TBC1D17: variants seen among roughly 807,000 people sequenced by gnomAD.
The protein encoded by TBC1D17 is TBC1 domain family member 17.
Under a neutral mutation model 78.8 loss-of-function variants are expected in TBC1D17, and 69 were observed. That is an observed-to-expected ratio of 0.88 (90% CI 0.72 to 1.07). The LOEUF is 1.07. TBC1D17 is among the 50% of genes least tolerant of loss of function. The pLI, the probability that TBC1D17 is intolerant of heterozygous loss-of-function variation, is 0.00. For synonymous variants in TBC1D17, 456 were observed against 358.3 expected (o/e 1.27, Z -3.08); for missense variants, 957 against 861.0 (o/e 1.11, Z -1.39).
intron 1 of TBC1D17, 58 bp from the exon 2 acceptor site, chr19:49,878,085 C>A: frequency 7.1e-7 from 1 of 1,415,686 alleles, no homozygotes; most frequent in Non-Finnish European, 9.7e-7. Flanking sequence ...TCCCTATTGG[C>A]TCCCCAGGCT....
intron 7 of TBC1D17, 134 bp downstream of exon 7, chr19:49,882,534 G>A: frequency 7.1e-7 from 1 of 1,398,950 alleles, no homozygotes; most frequent in Non-Finnish European, 9.5e-7. Context: ...GGTGCATGAG[G>A]AAAGCGCTCA....
rs908818485 is a variant in TBC1D17, at chr19:49,888,561, C to T, written c.1884C>T (p.Ala628=). ...CCCCGCCGCCCTCCACGGACACAGCCCCGCAGCCCGACAGCAGCCTGGAGA... is the reference window on the plus strand; with the variant it reads ...CCCCGCCGCCCTCCACGGACACAGCTCCGCAGCCCGACAGCAGCCTGGAGA... The part of the protein sequence containing the change: ...PPTPPPSTDT[A]PQPDSSLEIL... Residue 628 remains alanine, a synonymous_variant, in exon 17 of 17, where the codon GCC becomes GCT. Coordinates refer to ENST00000221543, the MANE Select transcript of TBC1D17 (RefSeq NM_024682.3). The T allele has an allele frequency of 1.3e-6, 2 of 1,536,814 alleles. No homozygotes were observed. Among genetic ancestry groups the T allele is most frequent in the Admixed American group, 2.0e-5 (1 of 51,028 alleles).
At chr19:49,882,625 C>A in intron 7 of TBC1D17, 139 bp from the exon 8 acceptor site, 1 of 1,398,744 alleles carries the variant, frequency 7.1e-7, no homozygotes, top group Non-Finnish European at 9.4e-7. Flanking sequence ...GGCTGCTGAG[C>A]CCCGGAAGAG....
chr19:49,881,671 C>T (rs954297694), intron 5 of TBC1D17, among the ~76,000 whole-genome samples, 196 bp downstream of exon 5: 3 of 152,212 alleles, frequency 2.0e-5, no homozygotes, highest in African/African-American at 4.8e-5. Flanking sequence ...ATGTTAGAAA[C>T]AGTTATCCTT....
intron 4 of TBC1D17, 60 bp from the exon 5 acceptor site, chr19:49,881,208 G>A (rs2075009416): frequency 6.7e-7 from 1 of 1,500,792 alleles, no homozygotes; most frequent in South Asian, 1.2e-5. Flanking sequence ...CTGGGTTGTG[G>A]TTGATAAGGC....
chr19:49,887,855 C>CCGCCCT (rs772665810), intron 15 of TBC1D17, 21 bp downstream of exon 15: 3 of 1,580,262 alleles, frequency 1.9e-6, no homozygotes, highest in African/African-American at 2.7e-5. Context: ...GGCCCCGCCC[C>CCGCCCT]CGCCCTGTCC....
At chr19:49,884,224 C>A (rs1319374158) in intron 10 of TBC1D17, 29 bp from the exon 11 acceptor site, 1 of 1,604,686 alleles carries the variant, frequency 6.2e-7, no homozygotes, top group South Asian at 1.1e-5. Context: ...ACCTTTCTCA[C>A]CTTTGCACCC....
rs1455448493 is a variant in TBC1D17, at chr19:49,888,330, CCGCCCCGCAG to C, written c.1746+22_1746+31del. Reference sequence around the variant, plus strand: ...AACCGCCTGCCCCGTGAGTCCCCGTCCGCCCCGCAGCGCCCCGCCCGAACCCCGACCGACC... The same window carrying C: ...AACCGCCTGCCCCGTGAGTCCCCGTCCGCCCCGCCCGAACCCCGACCGACC... On this transcript the variant is annotated intron_variant, in intron 16 of 16. Coordinates refer to ENST00000221543, the MANE Select transcript of TBC1D17 (RefSeq NM_024682.3). 1.9e-6 allele frequency: 3 copies of C among 1,558,662 alleles called. No individual in the cohort carries two copies. The highest frequency in any genetic ancestry group is 1.7e-6 in the Non-Finnish European group (2 of 1,152,370).
chr19:49,883,489 A>G (rs752278215), intron 9 of TBC1D17, among the ~76,000 whole-genome samples, 162 bp from the exon 10 acceptor site: 4 of 152,098 alleles, frequency 2.6e-5, no homozygotes, highest in Non-Finnish European at 4.4e-5. Flanking sequence ...CAGGAAGGTG[A>G]AGTGTAAGGG....
chr19:49,880,283 CCAGTGGGGGTGACTCATGTG>C lies in TBC1D17; in HGVS notation c.202_221del (p.Ser68PhefsTer2). 6.2e-7 allele frequency: 1 copy of C among 1,614,034 alleles called. No homozygotes were observed. The highest frequency in any genetic ancestry group is 2.2e-5 in the East Asian group (1 of 44,886). The stretch of plus-strand genomic sequence containing the variant: ...CTGCTCCTTTCCTCTCCTAAGGACT[CCAGTGGGGGTGACTCATGTG>C]CTTCTGAGGAGGAACCAACCTTTGA... On this transcript the variant is annotated frameshift_variant, in exon 4 of 17. Transcript: ENST00000221543. LOFTEE classifies it high-confidence loss of function.
At chr19:49,880,513 C>T in intron 4 of TBC1D17, 111 bp downstream of exon 4, 1 of 1,379,574 alleles carries the variant, frequency 7.2e-7, no homozygotes. Flanking sequence ...AGAAGGCCAC[C>T]AGTCACCACC....
Position 49,884,639 on chromosome 19 carries a change from C to G in TBC1D17, c.1345-20C>G. On this transcript the variant is annotated intron_variant, in intron 12 of 16. Coordinates refer to ENST00000221543, the MANE Select transcript of TBC1D17 (RefSeq NM_024682.3). Reference sequence around the variant, plus strand: ...GTACCTCACGGGGTCTGCTCTTTCCCCCCTCCTTCCGTCCCACAGCAAGGG... The same window carrying G: ...GTACCTCACGGGGTCTGCTCTTTCCGCCCTCCTTCCGTCCCACAGCAAGGG... 1 of 1,614,032 alleles carries G rather than the reference C, an allele frequency of 6.2e-7. No homozygotes were observed. Among genetic ancestry groups the G allele is most frequent in the African/African-American group, 1.3e-5 (1 of 75,042 alleles).
intron 15 of TBC1D17, 133 bp from the exon 16 acceptor site, chr19:49,888,098 G>C (rs2122480506): frequency 1.4e-6 from 2 of 1,408,824 alleles, no homozygotes; most frequent in Non-Finnish European, 1.9e-6. Context: ...AGCATGTCTC[G>C]CCCAGCGCAC....
rs1040210439 is a variant in TBC1D17, at chr19:49,885,835, G to A, written c.1444+1077G>A. 3.9e-5 allele frequency among the ~76,000 whole-genome samples: 6 copies of A among 152,000 alleles called. No homozygotes were observed. In the South Asian group the frequency reaches 8.3e-4, roughly 21 times the overall value. On this transcript the variant is annotated intron_variant, in intron 13 of 16. Transcript: ENST00000221543. ...AAAAATACAAAAAAATTAGCCAGCC[G>A]TGGTGGCGCCCACCTGTAATCCCAG... is the stretch of plus-strand genomic sequence containing the variant.
In TBC1D17 at chr19:49,882,241, G is replaced by A. The variant is rs761057218; in HGVS notation, c.640-1G>A. The A allele has an allele frequency of 9.3e-6, 15 of 1,612,234 alleles. No individual in the cohort carries two copies. Among genetic ancestry groups the A allele is most frequent in the Non-Finnish European group, 1.1e-5 (13 of 1,179,950 alleles). On this transcript the variant is annotated splice_acceptor_variant, in intron 6 of 16. Coordinates refer to ENST00000221543, the MANE Select transcript of TBC1D17 (RefSeq NM_024682.3). LOFTEE classifies it high-confidence loss of function. Reference sequence around the variant, plus strand: ...TGACCTCCCTTTGGCCTCGTCCCCAGCGCTTCCTCCAGGATCCCTACTCCA... The same window carrying A: ...TGACCTCCCTTTGGCCTCGTCCCCAACGCTTCCTCCAGGATCCCTACTCCA...
intron 1 of TBC1D17, 114 bp downstream of exon 1, chr19:49,877,858 C>A: frequency 7.6e-7 from 1 of 1,316,794 alleles, no homozygotes; most frequent in Non-Finnish European, 1.0e-6. Context: ...TTGGCAAACA[C>A]CGATCTCTTA....
rs576392985 is a variant in TBC1D17, at chr19:49,887,147, A to G, written c.1445-329A>G. On this transcript the variant is annotated intron_variant, in intron 13 of 16. Coordinates refer to ENST00000221543, the MANE Select transcript of TBC1D17 (RefSeq NM_024682.3). ...CCATCGCACCCGGCCTTCAGCTTAA[A>G]TTTTTGCTACAGCGTATCTAGGAGT... The G allele has an allele frequency of 2.4e-4, 74 of 306,560 alleles. No individual in the cohort carries two copies. The African/African-American group carries it at 2.5e-3, about 10-fold the overall frequency. The allele number at this position is 306,560 out of a possible 1,614,324, so 19.0% of individuals were successfully genotyped here.
chr19:49,887,843 C>A lies in TBC1D17; in HGVS notation c.1659+9C>A. ...CCAATGAGATCCTCAAGGTGAGGCT[C>A]CGGCCCCGCCCCCGCCCTGTCCCCC... is the stretch of plus-strand genomic sequence containing the variant. On this transcript the variant is annotated intron_variant, in intron 15 of 16. Coordinates refer to ENST00000221543, the MANE Select transcript of TBC1D17 (RefSeq NM_024682.3). 6.3e-7 allele frequency: 1 copy of A among 1,598,316 alleles called. No individual in the cohort carries two copies. Among genetic ancestry groups the A allele is most frequent in the Non-Finnish European group, 8.5e-7 (1 of 1,172,430 alleles).
At chr19:49,882,940 C>T (rs775020306) in intron 8 of TBC1D17, 33 bp from the exon 9 acceptor site, 1 of 1,597,110 alleles carries the variant, frequency 6.3e-7, no homozygotes, top group South Asian at 1.1e-5. Flanking sequence ...AGAACAAGGC[C>T]CCACTGAGCT....
Sources: allele counts gnomAD v4.1 joint callset (sites outside exome capture counted in the v4.1 genomes callset), GRCh38; gene constraint gnomAD v4.1.1; transcripts MANE v1.5; gene names NCBI Gene and HGNC (gene_info 2026-07-23, HGNC 2026-07-21).